Variants in MRC2 observed in about 807,000 individuals in gnomAD.
MRC2 encodes C-type mannose receptor 2.
A neutral mutation model predicts 206.2 loss-of-function variants in MRC2; 84 were observed. That is an observed-to-expected ratio of 0.41 (90% CI 0.34 to 0.49). MRC2 has a LOEUF of 0.49. Among genes scored for constraint, MRC2 ranks in the 20% least tolerant of loss-of-function variants. The pLI, the probability that MRC2 is intolerant of heterozygous loss-of-function variation, is 0.31. For synonymous variants in MRC2, 798 were observed against 800.0 expected (o/e 1.00, Z 0.04); for missense variants, 1,676 against 2,001.5 (o/e 0.84, Z 3.10).
intron 25 of MRC2, 41 bp from the exon 26 acceptor site, chr17:62,690,115 G>A (rs201021613): frequency 4.4e-6 from 7 of 1,583,196 alleles, no homozygotes; most frequent in African/African-American, 1.3e-5. Context: ...GGTGGCCCCG[G>A]GGAGGGTGCT....
chr17:62,658,400 G>A (rs1313443372), intron 1 of MRC2, among the ~76,000 whole-genome samples: 1 of 152,180 alleles, frequency 6.6e-6, no homozygotes. Flanking sequence ...AGGGAGGAGG[G>A]GCCTTGAAGC....
In MRC2 at chr17:62,680,342, G is replaced by A; in HGVS notation, c.2437+34G>A. ...GAGTGGCGCTGGGGGACGCGGGATG[G>A]AGCGAAGGGTGGCGGGGCCAGGAAT... On this transcript the variant is annotated intron_variant, in intron 15 of 29. Coordinates refer to ENST00000303375, the MANE Select transcript of MRC2 (RefSeq NM_006039.5). The surrounding 1 kb of genome is among the most constrained non-coding windows in gnomAD (Gnocchi z 4.8). The A allele has an allele frequency of 1.2e-6, 2 of 1,613,670 alleles. No individual in the cohort carries two copies. Among genetic ancestry groups the A allele is most frequent in the Non-Finnish European group, 8.5e-7 (1 of 1,179,710 alleles).
intron 1 of MRC2, among the ~76,000 whole-genome samples, chr17:62,635,191 C>CTTTTTTTTTTT (rs35446845): frequency 9.8e-6 from 1 of 101,732 alleles, no homozygotes; most frequent in African/African-American, 3.8e-5. Context: ...CTATTTTTCT[C>CTTTTTTTTTTT]TTTTTTTTTT....
intron 23 of MRC2, 106 bp from the exon 24 acceptor site, chr17:62,689,416 G>A: frequency 1.4e-6 from 1 of 736,392 alleles, no homozygotes. Context: ...GCCGAGTCTG[G>A]TGGAGACCGG....
At chr17:62,689,431 T>C (rs2089074133) in intron 23 of MRC2, 91 bp from the exon 24 acceptor site, 1 of 857,734 alleles carries the variant, frequency 1.2e-6, no homozygotes, top group African/African-American at 1.7e-5. Context: ...GACCGGGTCT[T>C]TGCCTGGTGT....
In MRC2 at chr17:62,692,334, C is replaced by A. The variant is rs1411185154; in HGVS notation, c.4323C>A (p.Ser1441Arg). The A allele has an allele frequency of 2.5e-6, 4 of 1,578,234 alleles. No homozygotes were observed. Among genetic ancestry groups the A allele is most frequent in the Non-Finnish European group, 3.4e-6 (4 of 1,162,204 alleles). The change falls in exon 30 of 30, where the codon AGC becomes AGA. Residue 1441 changes from serine to arginine, a missense_variant. By Grantham distance (110) the Ser-to-Arg change is moderately radical (BLOSUM62 -1). Transcript: ENST00000303375. This position sits in a 1 kb window ranked among gnomAD's most constrained non-coding sequence, Gnocchi z 4.2. ...AALILYRRRQ[S>R]IERGAFEGAR... ...TCATCCTTTACCGGAGGCGCCAGAG[C>A]ATCGAGCGCGGGGCCTTTGAGGGTG...
rs1287091664 is a variant in MRC2 at position 62,672,470 on chromosome 17, GC to G, written c.1461+321del. On this transcript the variant is annotated intron_variant, in intron 8 of 29. Coordinates refer to ENST00000303375, the MANE Select transcript of MRC2 (RefSeq NM_006039.5). This position sits in a 1 kb window ranked among gnomAD's most constrained non-coding sequence, Gnocchi z 4.5. ...GCGCATTCTTGGTCTCCTCCCAGCT[GC>G]CCTTCCCTGCCAGAAGGTGGCATCA... 6.6e-6 allele frequency among the ~76,000 whole-genome samples: 1 copy of G among 152,164 alleles called. No individual in the cohort carries two copies. Among genetic ancestry groups the G allele is most frequent in the Non-Finnish European group, 1.5e-5 (1 of 68,038 alleles).
At chr17:62,657,562 C>T (rs951761210) in intron 1 of MRC2, among the ~76,000 whole-genome samples, 1 of 151,814 alleles carries the variant, frequency 6.6e-6, no homozygotes, top group Non-Finnish European at 1.5e-5. Flanking sequence ...TGTGAGGGGC[C>T]CTGCACCTTC....
chr17:62,642,373 A>G (rs566532278), intron 1 of MRC2, among the ~76,000 whole-genome samples: 1 of 152,294 alleles, frequency 6.6e-6, no homozygotes, highest in Non-Finnish European at 1.5e-5. Context: ...TGTCACACCA[A>G]TGTCAATTTG....
At chr17:62,637,968 G>A (rs777543518) in intron 1 of MRC2, among the ~76,000 whole-genome samples, 50 of 152,084 alleles carry the variant, frequency 3.3e-4, no homozygotes, top group Non-Finnish European at 6.5e-4. Context: ...GGGCTCAGGC[G>A]ATTCTTCTGC....
chr17:62,680,191 C>T lies in MRC2; in HGVS notation c.2320C>T (p.Arg774Trp), dbSNP rs776167613. 6.2e-7 allele frequency: 1 copy of T among 1,614,090 alleles called. No individual in the cohort carries two copies. Among genetic ancestry groups the T allele is most frequent in the South Asian group, 1.1e-5 (1 of 91,074 alleles). The change falls in exon 15 of 30, where the codon CGG becomes TGG. Residue 774 changes from arginine (R) to tryptophan (W), a missense_variant. By Grantham distance (101) the Arg-to-Trp change is moderately radical. Transcript: ENST00000303375. This position sits in a 1 kb window ranked among gnomAD's most constrained non-coding sequence, Gnocchi z 4.8. ...GVGFSYHNFDRSRHDDDDIRG... is the reference protein window; with the variant it reads ...GVGFSYHNFDWSRHDDDDIRG... Reference sequence around the variant, plus strand: ...CCAGTTCTCTTACCACAATTTCGACCGGAGCCGGCACGACGACGACGACAT... The same window carrying T: ...CCAGTTCTCTTACCACAATTTCGACTGGAGCCGGCACGACGACGACGACAT...
intron 1 of MRC2, among the ~76,000 whole-genome samples, chr17:62,628,844 G>C (rs925421017): frequency 6.6e-6 from 1 of 152,056 alleles, no homozygotes; most frequent in Non-Finnish European, 1.5e-5. Context: ...TGGAGTGACC[G>C]GGGGAATCGC....
chr17:62,679,414 G>A (rs2088933198), intron 13 of MRC2: 2 of 169,884 alleles, frequency 1.2e-5, no homozygotes, highest in Non-Finnish European at 1.3e-5. Flanking sequence ...ATGGGTGAAC[G>A]GATACTTGAA....
chr17:62,678,725 T>G (rs2088924933), intron 13 of MRC2, 79 bp downstream of exon 13: 1 of 1,564,228 alleles, frequency 6.4e-7, no homozygotes, highest in African/African-American at 1.4e-5. Context: ...ACCCTTGGTT[T>G]TGTTGGGCGA....
rs1167875695 is a variant in MRC2 at position 62,664,562 on chromosome 17, C to G, written c.133C>G (p.Leu45Val). 1 of 1,611,058 alleles carries G rather than the reference C, an allele frequency of 6.2e-7. No individual in the cohort carries two copies. Among genetic ancestry groups the G allele is most frequent in the Non-Finnish European group, 8.5e-7 (1 of 1,178,650 alleles). ...TTCCCTTCCAGAACCCAACGTCTTCCTCATCTTCAGCCATGGACTGCAGGG... is the reference window on the plus strand; with the variant it reads ...TTCCCTTCCAGAACCCAACGTCTTCGTCATCTTCAGCCATGGACTGCAGGG... ...DAALPEPNVF[L>V]IFSHGLQGCL... Residue 45 changes from leucine to valine, a missense_variant, in exon 2 of 30, where the codon CTC (leucine) becomes GTC (valine). Physicochemically the swap from Leu to Val is conservative, Grantham distance 32. Transcript: ENST00000303375. The surrounding 1 kb of genome is among the most constrained non-coding windows in gnomAD (Gnocchi z 4.7).
intron 12 of MRC2, among the ~76,000 whole-genome samples, chr17:62,678,021 G>C (rs1389647621): frequency 6.6e-6 from 1 of 152,256 alleles, no homozygotes; most frequent in Non-Finnish European, 1.5e-5. Context: ...CTGCACGCCA[G>C]CCTGGGTGAC....
Position 62,681,082 on chromosome 17 carries a change from G to A in MRC2, c.2655G>A (p.Gln885=), listed in dbSNP as rs7502854. The A allele has an allele frequency of 1.9e-6, 3 of 1,613,590 alleles. No individual in the cohort carries two copies. Among genetic ancestry groups the A allele is most frequent in the Non-Finnish European group, 1.7e-6 (2 of 1,179,996 alleles). The part of the protein sequence containing the change: ...NLQKFSRAQE[Q]HWWIGLHTSE... ...TCCAGTTCTCCCGGGCCCAGGAGCA[G>A]CACTGGTGGATCGGCCTGCACACCT... The change falls in exon 18 of 30, where the codon CAG becomes CAA. Residue 885 remains glutamine, a synonymous_variant. Coordinates refer to ENST00000303375, the MANE Select transcript of MRC2 (RefSeq NM_006039.5).
intron 22 of MRC2, 43 bp downstream of exon 22, chr17:62,688,707 A>T: frequency 6.2e-7 from 1 of 1,604,018 alleles, no homozygotes; most frequent in Non-Finnish European, 8.5e-7. Flanking sequence ...GCGCTGCCCT[A>T]AGCCTGTGGG....
At position 62,652,413 on chromosome 17, in the gene MRC2, C is replaced by T. The variant is rs1025324510; in HGVS notation, c.119-12135C>T. ...GAGGGCACAAGTGATCGCGTGGCCA[C>T]GGCGAGGCTCTGCCTCCGCCCCCGC... On this transcript the variant is annotated intron_variant, in intron 1 of 29. Coordinates refer to ENST00000303375, the MANE Select transcript of MRC2 (RefSeq NM_006039.5). This position sits in a 1 kb window ranked among gnomAD's most constrained non-coding sequence, Gnocchi z 4.6. Among the ~76,000 whole-genome samples the T allele has an allele frequency of 1.3e-5, 2 of 152,264 alleles. No homozygotes were observed. The highest frequency in any genetic ancestry group is 2.9e-5 in the Non-Finnish European group (2 of 68,050).
Sources: allele counts gnomAD v4.1 joint callset (sites outside exome capture counted in the v4.1 genomes callset), GRCh38; gene constraint gnomAD v4.1.1; non-coding constraint Gnocchi (gnomAD v3.1); transcripts MANE v1.5; gene names NCBI Gene and HGNC (gene_info 2026-07-23, HGNC 2026-07-21).